The following ATP6V1H variants were observed in gnomAD, a reference collection of about 807,000 sequenced individuals.
ATP6V1H encodes ATPase H+ transporting V1 subunit H, also known as V-type proton ATPase subunit H.
A neutral mutation model predicts 71.7 loss-of-function variants in ATP6V1H; 39 were observed. That is an observed-to-expected ratio of 0.54 (90% CI 0.42 to 0.71). The LOEUF is 0.71. Among genes scored for constraint, ATP6V1H ranks in the 30% least tolerant of loss-of-function variants. The pLI, the probability that ATP6V1H is intolerant of heterozygous loss-of-function variation, is 0.00. For missense variants in ATP6V1H, 509 were observed against 594.9 expected (o/e 0.86, Z 1.50); for synonymous variants, 192 against 199.3 (o/e 0.96, Z 0.31).
intron 7 of ATP6V1H, among the ~76,000 whole-genome samples, chr8:53,810,940 G>A (rs1810254144): frequency 6.6e-6 from 1 of 151,934 alleles, no homozygotes; most frequent in African/African-American, 2.4e-5. Context: ...AAAGTCACCT[G>A]GAAAAAAGAG....
In ATP6V1H at chr8:53,738,058, CTTAA is replaced by C. The variant is rs540383911; in HGVS notation, c.1391+5515_1391+5518del. Reference sequence around the variant, plus strand: ...AGAGTGAATATAAAGTTTGCTTTATCTTAATTAAATTTTTAGTATACTCTGCCAA... The same window carrying C: ...AGAGTGAATATAAAGTTTGCTTTATCTTAAATTTTTAGTATACTCTGCCAA... On this transcript the variant is annotated intron_variant, in intron 13 of 13. Coordinates refer to ENST00000359530, the MANE Select transcript of ATP6V1H (RefSeq NM_015941.4). 3.7e-3 allele frequency among the ~76,000 whole-genome samples: 560 copies of C among 152,240 alleles called. 2 individuals carry two copies. The highest frequency in any genetic ancestry group is 0.012 in the African/African-American group (517 of 41,532).
chr8:53,742,570 G>A (rs1807451082), intron 13 of ATP6V1H, among the ~76,000 whole-genome samples: 1 of 152,058 alleles, frequency 6.6e-6, no homozygotes, highest in African/African-American at 2.4e-5. Context: ...ACTTATCAGG[G>A]TACAGATTTG....
intron 9 of ATP6V1H, among the ~76,000 whole-genome samples, chr8:53,777,098 A>AT (rs1808916750): frequency 6.6e-6 from 1 of 152,348 alleles, no homozygotes; most frequent in African/African-American, 2.4e-5. Context: ...AAGGTCTAAC[A>AT]TAAGTGGAAT....
chr8:53,744,787 C>G (rs569139261), intron 12 of ATP6V1H, among the ~76,000 whole-genome samples: 10 of 152,306 alleles, frequency 6.6e-5, no homozygotes, highest in African/African-American at 2.2e-4. Context: ...TACTGCAGGC[C>G]AGGCACTGTA....
chr8:53,775,203 C>T lies in ATP6V1H; in HGVS notation c.871-3036G>A, dbSNP rs1808823839. Among the ~76,000 whole-genome samples the T allele has an allele frequency of 2.0e-5, 3 of 152,198 alleles. No individual in the cohort carries two copies. In the South Asian group the frequency reaches 6.2e-4, roughly 32 times the overall value. ...GGCGGCGCATGTGGAGTTGTTCGTT[C>T]CTCCCGGTAGGTTCATGGTCTCGCT... On this transcript the variant is annotated intron_variant, in intron 9 of 13. Coordinates refer to ENST00000359530, the MANE Select transcript of ATP6V1H (RefSeq NM_015941.4).
intron 8 of ATP6V1H, among the ~76,000 whole-genome samples, chr8:53,799,574 GTTTCCTAAA>G (rs936277384): frequency 2.3e-4 from 35 of 152,202 alleles, no homozygotes; most frequent in Non-Finnish European, 4.3e-4. Flanking sequence ...GGCTGGTAAA[GTTTCCTAAA>G]TTGATCAAAC....
At chr8:53,768,912 T>C (rs1477712733) in intron 11 of ATP6V1H, among the ~76,000 whole-genome samples, 3 of 152,134 alleles carry the variant, frequency 2.0e-5, no homozygotes, top group Non-Finnish European at 2.9e-5. Context: ...AACAGATGAA[T>C]TGTATGCTAT....
At chr8:53,816,053 C>G (rs372277844) in intron 5 of ATP6V1H, among the ~76,000 whole-genome samples, 1 of 152,176 alleles carries the variant, frequency 6.6e-6, no homozygotes, top group African/African-American at 2.4e-5. Flanking sequence ...CAAGCCTCTA[C>G]AATTTTAAAG....
intron 9 of ATP6V1H, among the ~76,000 whole-genome samples, chr8:53,790,396 G>A (rs1809529162): frequency 6.6e-6 from 1 of 152,108 alleles, no homozygotes; most frequent in Non-Finnish European, 1.5e-5. Context: ...CATGACTGCT[G>A]TAGCCCTGGT....
chr8:53,842,342 G>A (rs1436145075), intron 1 of ATP6V1H, among the ~76,000 whole-genome samples: 1 of 152,178 alleles, frequency 6.6e-6, no homozygotes, highest in Admixed American at 6.5e-5. Context: ...CAACAATGGC[G>A]GTCTGGCTGG....
At chr8:53,841,870 C>A in intron 1 of ATP6V1H, 145 bp from the exon 2 acceptor site, 1 of 755,754 alleles carries the variant, frequency 1.3e-6, no homozygotes, top group Admixed American at 3.6e-5. Context: ...CTGAAAGTAT[C>A]ATTATATTTC....
intron 13 of ATP6V1H, among the ~76,000 whole-genome samples, chr8:53,738,230 G>A: frequency 6.6e-6 from 1 of 151,556 alleles, no homozygotes; most frequent in East Asian, 1.9e-4. Context: ...CCGGGAGGTG[G>A]AGGTTGCAGT....
At chr8:53,823,536 G>A (rs921086950) in intron 4 of ATP6V1H, among the ~76,000 whole-genome samples, 2 of 152,190 alleles carry the variant, frequency 1.3e-5, no homozygotes, top group African/African-American at 4.8e-5. Flanking sequence ...GCAGTGCAAT[G>A]GCACAATCTC....
chr8:53,756,218 G>A lies in ATP6V1H; in HGVS notation c.1277+337C>T, dbSNP rs191188700. ...CCTGAGTAGCTGGGACTACAGGCGC[G>A]TGCCACCATGCCCAGTTAATTTTTT... On this transcript the variant is annotated intron_variant, in intron 12 of 13. Coordinates refer to ENST00000359530, the MANE Select transcript of ATP6V1H (RefSeq NM_015941.4). The A allele has an allele frequency of 4.9e-4, 75 of 152,424 alleles. 1 individual carries two copies. The East Asian group carries it at 7.8e-3, about 16-fold the overall frequency. The allele number at this position is 152,424 out of a possible 1,614,324, so 9.4% of individuals were successfully genotyped here.
intron 13 of ATP6V1H, among the ~76,000 whole-genome samples, chr8:53,718,915 T>G (rs1806522527): frequency 6.6e-6 from 1 of 152,164 alleles, no homozygotes; most frequent in East Asian, 1.9e-4. Flanking sequence ...GAGCCTGGTT[T>G]GAGTATTGTA....
intron 11 of ATP6V1H, among the ~76,000 whole-genome samples, chr8:53,758,226 TTC>T (rs1011575924): frequency 4.0e-5 from 6 of 151,540 alleles, no homozygotes; most frequent in Non-Finnish European, 8.8e-5. Context: ...AAAAAATTAC[TTC>T]TTTGTTTTTA....
chr8:53,802,937 A>T (rs1363775419), intron 7 of ATP6V1H, among the ~76,000 whole-genome samples: 2 of 152,238 alleles, frequency 1.3e-5, no homozygotes, highest in African/African-American at 4.8e-5. Context: ...AAACAGGAGT[A>T]ATACTCCCAG....
intron 2 of ATP6V1H, 149 bp from the exon 3 acceptor site, chr8:53,833,235 T>A: frequency 1.7e-6 from 1 of 586,614 alleles, no homozygotes; most frequent in African/African-American, 1.9e-5. Context: ...CTGGATTCAA[T>A]GCTTAGTTTC....
chr8:53,779,324 C>T (rs1217315637), intron 9 of ATP6V1H, among the ~76,000 whole-genome samples: 1 of 151,818 alleles, frequency 6.6e-6, no homozygotes, highest in Non-Finnish European at 1.5e-5. Context: ...TGAAATCTTA[C>T]AGAATATGTT....
Sources: gnomAD v4.1 joint callset for allele counts (sites outside exome capture counted in the v4.1 genomes callset) on GRCh38, gnomAD v4.1.1 for gene constraint, MANE v1.5 for transcripts, NCBI Gene and HGNC (gene_info 2026-07-23, HGNC 2026-07-21) for gene names.